The following SHROOM4 variants were observed in gnomAD, a reference collection of about 807,000 sequenced individuals.
The protein encoded by SHROOM4 is protein Shroom4.
SHROOM4 carries 17 observed loss-of-function variants against 80.3 expected under a neutral mutation model. That is an observed-to-expected ratio of 0.21 (90% CI 0.14 to 0.32). SHROOM4 has a LOEUF of 0.32. Ranked by LOEUF, SHROOM4 falls within the 10% of genes least tolerant of loss-of-function variation. SHROOM4 has a pLI of 1.00. For missense variants in SHROOM4, 993 were observed against 1,140.3 expected, an observed-to-expected ratio of 0.87 and a Z score of 1.86; for synonymous variants, 400 against 437.5, an observed-to-expected ratio of 0.91 and a Z score of 1.07.
At chrX:50,723,393 G>GGGGAGAGAGA (rs1557265631) in intron 1 of SHROOM4, among the ~76,000 whole-genome samples, 8 of 54,471 alleles carry the variant, frequency 1.5e-4, no homozygotes, top group African/African-American at 5.3e-4. Flanking sequence ...AGCAAGGGAG[G>GGGGAGAGAGA]GAGAGAGAGA....
At chrX:50,579,508 G>C in the SHROOM4 span, among the ~76,000 whole-genome samples, 1 of 111,883 alleles carries the variant, frequency 8.9e-6, no homozygotes, top group South Asian at 3.7e-4. Context: ...AATTTATGGG[G>C]AATGAAAAAA....
At chrX:50,787,080 C>G in intron 1 of SHROOM4, among the ~76,000 whole-genome samples, 1 of 109,474 alleles carries the variant, frequency 9.1e-6, no homozygotes, top group Non-Finnish European at 1.9e-5. Flanking sequence ...GTTAGCCTTG[C>G]GTGGTGGCAC....
chrX:50,646,527 A>AGTGTGTGC (rs1221939446), intron 2 of SHROOM4, among the ~76,000 whole-genome samples: 6 of 78,781 alleles, frequency 7.6e-5, no homozygotes, highest in African/African-American at 2.8e-4. Flanking sequence ...AGGGGGGAAG[A>AGTGTGTGC]GTGTGTGTGT....
intron 1 of SHROOM4, among the ~76,000 whole-genome samples, chrX:50,801,724 G>A (rs1163249610): frequency 1.8e-5 from 2 of 111,816 alleles, no homozygotes; most frequent in Non-Finnish European, 1.9e-5. Context: ...ACGCAACAGA[G>A]GGAAGTTAGC....
At chrX:50,754,896 C>G (rs1470830473) in intron 1 of SHROOM4, among the ~76,000 whole-genome samples, 1 of 112,089 alleles carries the variant, frequency 8.9e-6, no homozygotes, top group Non-Finnish European at 1.9e-5. Context: ...GGCTTTGGCA[C>G]CAAAATGACC....
chrX:50,678,427 C>T (rs1444029912), intron 2 of SHROOM4, among the ~76,000 whole-genome samples: 1 of 111,579 alleles, frequency 9.0e-6, no homozygotes, highest in Non-Finnish European at 1.9e-5. Flanking sequence ...AAACTGCAAC[C>T]CCACCATAAC....
intron 4 of SHROOM4, 41 bp from the exon 5 acceptor site, chrX:50,627,716 G>A (rs782701361): frequency 9.0e-7 from 1 of 1,109,734 alleles, no homozygotes; most frequent in African/African-American, 1.8e-5. Flanking sequence ...GCTTTGAGCA[G>A]CCAGGTATCT....
chrX:50,762,848 C>T (rs895603008), intron 1 of SHROOM4, among the ~76,000 whole-genome samples: 4 of 111,698 alleles, frequency 3.6e-5, no homozygotes, highest in African/African-American at 9.8e-5. Flanking sequence ...TGGCTTCTGA[C>T]ATTTTAACTG....
chrX:50,581,657 G>C, the SHROOM4 span, among the ~76,000 whole-genome samples: 2 of 111,808 alleles, frequency 1.8e-5, no homozygotes, highest in Non-Finnish European at 3.8e-5. Context: ...TCCTGCCCTT[G>C]AATGATCAAA....
At chrX:50,813,147 GCGGCGGCGGC>G in intron 1 of SHROOM4, among the ~76,000 whole-genome samples, 1 of 91,349 alleles carries the variant, frequency 1.1e-5, no homozygotes, top group Non-Finnish European at 2.2e-5. Context: ...GGCGGCGGCG[GCGGCGGCGGC>G]AGTGGCGGCG....
Position 50,635,213 on chromosome X carries a change from C to A in SHROOM4, c.860G>T (p.Arg287Ile). ...PVRRDSLQAS[R>I]AQLLNGEQRR... ...CTGCTCTCCATTGAGGAGTTGGGCT[C>A]TGGAGGCCTGAAGGCTGTCCCGCCT... The change falls in exon 4 of 9, where the codon AGA becomes ATA. Residue 287 changes from arginine (R) to isoleucine (I), a missense_variant. Transcript: ENST00000376020. The A allele has an allele frequency of 8.3e-7, 1 of 1,203,381 alleles. No homozygotes were observed. Among genetic ancestry groups the A allele is most frequent in the Non-Finnish European group, 1.1e-6 (1 of 891,051 alleles).
chrX:50,678,402 T>C (rs1183875898), intron 2 of SHROOM4, among the ~76,000 whole-genome samples: 1 of 111,654 alleles, frequency 9.0e-6, no homozygotes, highest in Non-Finnish European at 1.9e-5. Context: ...AATCTTAAGC[T>C]AAACTCAGCA....
intron 1 of SHROOM4, among the ~76,000 whole-genome samples, chrX:50,736,773 C>T (rs1464538592): frequency 8.9e-6 from 1 of 111,956 alleles, no homozygotes. Context: ...AGTGGGATTG[C>T]TGGGTCAAAT....
chrX:50,706,033 CA>C (rs1933664458), intron 1 of SHROOM4, among the ~76,000 whole-genome samples: 1 of 108,040 alleles, frequency 9.3e-6, no homozygotes, highest in South Asian at 4.1e-4. Flanking sequence ...CACACACACA[CA>C]CACGTCATAC....
downstream of SHROOM4, among the ~76,000 whole-genome samples, chrX:50,585,428 A>T (rs1928740282): frequency 9.0e-6 from 1 of 110,681 alleles, no homozygotes; most frequent in Non-Finnish European, 1.9e-5. Context: ...GAGGGATGAG[A>T]CTGCATGACA....
intron 1 of SHROOM4, among the ~76,000 whole-genome samples, chrX:50,803,536 C>G (rs1288113008): frequency 8.1e-5 from 9 of 111,672 alleles, no homozygotes; most frequent in African/African-American, 2.9e-4. Flanking sequence ...CCAGGCCTAC[C>G]TACCTAAATC....
Position 50,695,810 on chromosome X carries a change from C to G in SHROOM4, c.245G>C (p.Arg82Pro). The change falls in exon 2 of 9, where the codon CGG (arginine) becomes CCG (proline). Residue 82 changes from arginine (R) to proline (P), a missense_variant. Arg to Pro is a moderately radical substitution (Grantham distance 103). Coordinates refer to ENST00000376020, the MANE Select transcript of SHROOM4 (RefSeq NM_020717.5). ...EALILIKGSFRILKLIVRRRN... is the reference protein window; with the variant it reads ...EALILIKGSFPILKLIVRRRN... The stretch of plus-strand genomic sequence containing the variant: ...CCTCCTGACAATCAGCTTGAGAATC[C>G]GGAAGGAGCCTTTGATGAGAATGAG... 1 of 1,211,664 alleles carries G rather than the reference C, an allele frequency of 8.3e-7. No homozygotes were observed. The highest frequency in any genetic ancestry group is 1.1e-6 in the Non-Finnish European group (1 of 895,453).
Position 50,595,366 on chromosome X carries a change from C to T in SHROOM4, c.*1329G>A, listed in dbSNP as rs371758469. ...GGCTCTGGCTGGAGCTCCCAGCTAC[C>T]TTGAGTTTTGGTTCCCTTGAGCCAG... On this transcript the variant is annotated 3_prime_UTR_variant, in exon 9 of 9. Transcript: ENST00000376020. The T allele has an allele frequency of 1.6e-4, 19 of 117,452 alleles. 1 individual carries two copies. In the East Asian group the frequency reaches 1.8e-3, roughly 11 times the overall value. 9.7% of individuals were successfully genotyped at this position (117,452 alleles called of 1,213,427 possible).
chrX:50,801,542 G>C (rs1557272599), intron 1 of SHROOM4, among the ~76,000 whole-genome samples: 1 of 111,712 alleles, frequency 9.0e-6, no homozygotes, highest in Admixed American at 9.5e-5. Context: ...TAATGCAGCT[G>C]AGAAGGGCTA....
Sources: allele counts gnomAD v4.1 joint callset (sites outside exome capture counted in the v4.1 genomes callset), GRCh38; gene constraint gnomAD v4.1.1; transcripts MANE v1.5; gene names NCBI Gene and HGNC (gene_info 2026-07-23, HGNC 2026-07-21).